Variants in SUPT3H observed in about 807,000 individuals in gnomAD.
SUPT3H encodes the protein SPT3 homolog, SAGA and STAGA complex component.
A neutral mutation model predicts 44.3 loss-of-function variants in SUPT3H; 44 were observed. The ratio of observed to expected loss-of-function variants is 0.99; its 90% CI spans 0.78 to 1.28. The LOEUF (loss-of-function observed/expected upper bound fraction) is 1.28. SUPT3H is among the 50% of genes most tolerant of loss of function. The pLI, the probability that SUPT3H is intolerant of heterozygous loss-of-function variation, is 0.00. For missense variants in SUPT3H, 380 were observed against 387.1 expected (o/e 0.98, Z 0.15); for synonymous variants, 124 against 125.6 (o/e 0.99, Z 0.09).
intron 2 of SUPT3H, among the ~76,000 whole-genome samples, chr6:45,263,006 G>A (rs1774638431): frequency 3.9e-5 from 6 of 152,120 alleles, no homozygotes; most frequent in Admixed American, 2.6e-4. Flanking sequence ...AGGTGAGGTT[G>A]CAGAAAAAAA....
chr6:44,942,978 C>T (rs1464087078), intron 9 of SUPT3H, among the ~76,000 whole-genome samples: 1 of 152,150 alleles, frequency 6.6e-6, no homozygotes, highest in African/African-American at 2.4e-5. Flanking sequence ...ATGTATTACT[C>T]ACAATGTCCA....
chr6:45,150,571 C>T (rs1057174949), intron 2 of SUPT3H, among the ~76,000 whole-genome samples: 5 of 152,030 alleles, frequency 3.3e-5, no homozygotes, highest in Non-Finnish European at 7.4e-5. Flanking sequence ...CAGCATGGGA[C>T]ACCATGCCTT....
intron 2 of SUPT3H, among the ~76,000 whole-genome samples, chr6:45,153,379 ATAAT>A (rs1337434792): frequency 3.3e-5 from 5 of 152,234 alleles, no homozygotes; most frequent in African/African-American, 9.6e-5. Flanking sequence ...AGGGACAACA[ATAAT>A]TAATCACTTA....
chr6:44,865,870 T>A (rs1218772774), intron 10 of SUPT3H, among the ~76,000 whole-genome samples: 1 of 152,122 alleles, frequency 6.6e-6, no homozygotes, highest in Non-Finnish European at 1.5e-5. Context: ...ACAATAATAG[T>A]CATCTGCACT....
intron 6 of SUPT3H, among the ~76,000 whole-genome samples, chr6:45,001,575 T>C (rs1279578082): frequency 1.3e-5 from 2 of 151,894 alleles, no homozygotes; most frequent in Non-Finnish European, 2.9e-5. Context: ...TTTTGTATGT[T>C]TGCTCAATGT....
At chr6:45,230,614 C>T (rs2396426) in intron 2 of SUPT3H, among the ~76,000 whole-genome samples, 114,335 of 131,586 alleles carry the variant, frequency 0.87, 50,178 homozygotes, top group African/African-American at 0.92. Context: ...GTGAAGTACA[C>T]TTCTGGTAGT....
At chr6:45,079,885 C>G (rs1795550814) in intron 3 of SUPT3H, among the ~76,000 whole-genome samples, 1 of 152,140 alleles carries the variant, frequency 6.6e-6, no homozygotes, top group South Asian at 2.1e-4. Context: ...GGGCATTGGA[C>G]TGGACAAAGA....
chr6:45,197,045 T>C (rs1287052889), intron 2 of SUPT3H, among the ~76,000 whole-genome samples: 12 of 151,816 alleles, frequency 7.9e-5, no homozygotes, highest in Admixed American at 6.6e-4. Context: ...AAAAATAGTA[T>C]GCTAAATTCA....
chr6:45,139,561 CTG>C (rs60817181), intron 2 of SUPT3H, among the ~76,000 whole-genome samples: 91,290 of 151,810 alleles, frequency 0.6, 28,161 homozygotes, highest in African/African-American at 0.75. Flanking sequence ...AGGAGAAAAA[CTG>C]TGAGTTCCCA....
chr6:44,892,348 G>C (rs1356074288), intron 10 of SUPT3H, among the ~76,000 whole-genome samples: 5 of 152,072 alleles, frequency 3.3e-5, no homozygotes, highest in African/African-American at 1.2e-4. Flanking sequence ...CCAAGGAAAG[G>C]CCATGTGAAA....
chr6:45,062,389 G>C (rs981902620), intron 3 of SUPT3H, among the ~76,000 whole-genome samples: 8 of 151,684 alleles, frequency 5.3e-5, no homozygotes, highest in Non-Finnish European at 1.2e-4. Context: ...AAATATTACA[G>C]CCAAGACACA....
At chr6:44,824,958 A>G (rs1767631637), downstream of SUPT3H, among the ~76,000 whole-genome samples, 1 of 152,218 alleles carries the variant, frequency 6.6e-6, no homozygotes, top group Non-Finnish European at 1.5e-5. Context: ...AGGGTCATTT[A>G]TTTAAAGTTT....
At chr6:45,276,376 A>G (rs2153664110) in intron 2 of SUPT3H, among the ~76,000 whole-genome samples, 1 of 152,280 alleles carries the variant, frequency 6.6e-6, no homozygotes, top group South Asian at 2.1e-4. Flanking sequence ...ATACAATATA[A>G]TCAAATACTA....
intron 6 of SUPT3H, among the ~76,000 whole-genome samples, chr6:44,985,032 A>T (rs1779586704): frequency 6.6e-6 from 1 of 151,846 alleles, no homozygotes; most frequent in South Asian, 2.1e-4. Flanking sequence ...GATCACAAAA[A>T]AGTCACATTC....
At chr6:45,135,721 A>G (rs1804172578) in intron 2 of SUPT3H, among the ~76,000 whole-genome samples, 1 of 152,200 alleles carries the variant, frequency 6.6e-6, no homozygotes, top group African/African-American at 2.4e-5. Flanking sequence ...CTGTAATCCA[A>G]GAGGGCCTTC....
intron 10 of SUPT3H, among the ~76,000 whole-genome samples, chr6:44,886,396 C>A (rs1484187398): frequency 6.7e-6 from 1 of 150,172 alleles, no homozygotes; most frequent in East Asian, 1.9e-4. Context: ...AAAGGGAAGC[C>A]CATCAGACTG....
At chr6:44,937,257 C>A (rs893325134) in intron 9 of SUPT3H, among the ~76,000 whole-genome samples, 1 of 151,662 alleles carries the variant, frequency 6.6e-6, no homozygotes, top group Non-Finnish European at 1.5e-5. Context: ...TTTGGGAGGC[C>A]GAGGCAGGTG....
At chr6:44,897,257 A>T (rs989997295) in intron 10 of SUPT3H, among the ~76,000 whole-genome samples, 3 of 152,224 alleles carry the variant, frequency 2.0e-5, no homozygotes, top group African/African-American at 7.2e-5. Flanking sequence ...AACTCTTTCG[A>T]CAGAATATCG....
chr6:45,040,201 G>T (rs1376598157), intron 3 of SUPT3H, among the ~76,000 whole-genome samples: 1 of 152,200 alleles, frequency 6.6e-6, no homozygotes, highest in Non-Finnish European at 1.5e-5. Context: ...GAATGAGCAT[G>T]GCTGTGTTCT....
Sources: gnomAD v4.1 joint callset for allele counts (sites outside exome capture counted in the v4.1 genomes callset) on GRCh38, gnomAD v4.1.1 for gene constraint, MANE v1.5 for transcripts, NCBI Gene and HGNC (gene_info 2026-07-23, HGNC 2026-07-21) for gene names.